The following NPC1L1 variants were observed in gnomAD, a reference collection of about 807,000 sequenced individuals.
The protein encoded by NPC1L1 is NPC1 like intracellular cholesterol transporter 1.
Under a neutral mutation model 117.0 loss-of-function variants are expected in NPC1L1, and 98 were observed. The ratio of observed to expected loss-of-function variants is 0.84; its 90% CI spans 0.71 to 0.99. The LOEUF is 0.99. Among genes scored for constraint, NPC1L1 ranks in the 50% least tolerant of loss-of-function variants. The pLI, the probability that NPC1L1 is intolerant of heterozygous loss-of-function variation, is 0.00. For missense variants in NPC1L1, 1,540 were observed against 1,710.0 expected (o/e 0.90, Z 1.75); for synonymous variants, 729 against 727.6 (o/e 1.00, Z -0.03).
In NPC1L1 at chr7:44,539,371, C is replaced by G. The variant is rs539547109; in HGVS notation, c.1026G>C (p.Gln342His). 6.2e-7 allele frequency: 1 copy of G among 1,613,710 alleles called. No homozygotes were observed. Among genetic ancestry groups the G allele is most frequent in the African/African-American group, 1.3e-5 (1 of 75,028 alleles). ...STHTLLGQFF[Q>H]GWGTWVASWP... is the part of the protein sequence containing the mutation. ...ACGAAGCCACCCACGTGCCCCAGCC[C>G]TGGAAGAACTGGCCAAGGAGGGTGT... is the stretch of plus-strand genomic sequence containing the variant. The change falls in exon 2 of 19, where the codon CAG (glutamine) becomes CAC (histidine). Residue 342 changes from glutamine (Q) to histidine (H), a missense_variant. Gln to His is a conservative substitution (Grantham distance 24). Around this residue, in one of 3 missense-constraint regions of NPC1L1, gnomAD observed 793 missense variants for 820.4 expected, o/e 0.97. Coordinates refer to ENST00000381160, the MANE Select transcript of NPC1L1 (RefSeq NM_001101648.2). The surrounding 1 kb of genome is among the most constrained non-coding windows in gnomAD (Gnocchi z 4.4).
At chr7:44,524,243 A>C (rs1253504825) in intron 10 of NPC1L1, among the ~76,000 whole-genome samples, 1 of 152,244 alleles carries the variant, frequency 6.6e-6, no homozygotes, top group Non-Finnish European at 1.5e-5. Flanking sequence ...TCCCCAGCAC[A>C]GAAACACCAA....
intron 5 of NPC1L1, among the ~76,000 whole-genome samples, chr7:44,535,617 A>C (rs1359622399): frequency 6.6e-6 from 1 of 152,226 alleles, no homozygotes; most frequent in South Asian, 2.1e-4. Flanking sequence ...AAGAGAAAAG[A>C]AAAGCAAAGA....
At chr7:44,530,066 G>A (rs1041278126) in intron 10 of NPC1L1, among the ~76,000 whole-genome samples, 12 of 144,932 alleles carry the variant, frequency 8.3e-5, no homozygotes, top group East Asian at 2.1e-4. Context: ...GGCCAGGTGC[G>A]GTGGCTCACA....
chr7:44,536,260 G>T lies in NPC1L1; in HGVS notation c.1850C>A (p.Ala617Asp), dbSNP rs765004444. 1 of 1,613,648 alleles carries T rather than the reference G, an allele frequency of 6.2e-7. No individual in the cohort carries two copies. Among genetic ancestry groups the T allele is most frequent in the East Asian group, 2.2e-5 (1 of 44,888 alleles). Residue 617 changes from alanine to aspartate, a missense_variant, in exon 4 of 19, where the codon GCT becomes GAT. Transcript: ENST00000381160. The surrounding 1 kb of genome is among the most constrained non-coding windows in gnomAD (Gnocchi z 4.7). The stretch of plus-strand genomic sequence containing the variant: ...CAGGGACCCTGCAGCCCCTACCTCA[G>T]CCATGAACGTGACCTGGAACATGCC... ...MAGMFQVTFM[A>D]ERSLEDEINR...
At chr7:44,530,639 C>T (rs1801668385) in intron 10 of NPC1L1, among the ~76,000 whole-genome samples, 1 of 152,096 alleles carries the variant, frequency 6.6e-6, no homozygotes, top group Non-Finnish European at 1.5e-5. Flanking sequence ...AAACAAAAGA[C>T]ATCAACATAA....
chr7:44,531,887 C>T lies in NPC1L1; in HGVS notation c.2548-43G>A, dbSNP rs755703605. ...GCATGAGACCACCCTGCCCAACAGC[C>T]GTCCCCCATCTCCCCACAAATTTAA... is the stretch of plus-strand genomic sequence containing the variant. On this transcript the variant is annotated intron_variant, in intron 9 of 18. Transcript: ENST00000381160. 1.0e-5 allele frequency: 16 copies of T among 1,541,964 alleles called. No individual in the cohort carries two copies. In the South Asian group the frequency reaches 1.2e-4, roughly 11 times the overall value.
chr7:44,538,714 G>A lies in NPC1L1; in HGVS notation c.1580+103C>T. The A allele has an allele frequency of 8.6e-7, 1 of 1,168,182 alleles. No homozygotes were observed. Among genetic ancestry groups the A allele is most frequent in the East Asian group, 2.3e-5 (1 of 42,928 alleles). The allele number at this position is 1,168,182 out of a possible 1,614,324, so 72.4% of individuals were successfully genotyped here. On this transcript the variant is annotated intron_variant, in intron 2 of 18. Coordinates refer to ENST00000381160, the MANE Select transcript of NPC1L1 (RefSeq NM_001101648.2). This position sits in a 1 kb window ranked among gnomAD's most constrained non-coding sequence, Gnocchi z 5.9. ...AGAGCCGTAGGAATAGCTACCTCTG[G>A]TCCTTCAGGACCAGCTGTATGCCCG...
At chr7:44,524,464 A>C (rs963638667) in intron 10 of NPC1L1, among the ~76,000 whole-genome samples, 2 of 152,202 alleles carry the variant, frequency 1.3e-5, no homozygotes, top group Non-Finnish European at 2.9e-5. Context: ...ACTTCAAAAC[A>C]ATTGTCTCAG....
chr7:44,530,040 A>T (rs1414929026), intron 10 of NPC1L1, among the ~76,000 whole-genome samples: 1 of 150,434 alleles, frequency 6.6e-6, no homozygotes, highest in African/African-American at 2.5e-5. Context: ...TCTCAAAAAA[A>T]AAAAGAAAAA....
rs766739039 is a variant in NPC1L1 at position 44,515,912 on chromosome 7, G to A, written c.3687C>T (p.Leu1229=). ...TNLPGILVLG[L]AKAQLIQIFF... ...AGATCTGAATGAGCTGGGCCTTGGC[G>A]AGGCCCAGGACAAGGATGCCAGGCA... The change falls in exon 18 of 19, where the codon CTC becomes CTT. Residue 1229 remains leucine (L), a synonymous_variant. Coordinates refer to ENST00000381160, the MANE Select transcript of NPC1L1 (RefSeq NM_001101648.2). 21 of 1,614,000 alleles carry A rather than the reference G, an allele frequency of 1.3e-5. No homozygotes were observed. Among genetic ancestry groups the A allele is most frequent in the South Asian group, 6.6e-5 (6 of 91,088 alleles).
chr7:44,514,705 A>T (rs1285600967), intron 18 of NPC1L1, among the ~76,000 whole-genome samples: 1 of 150,068 alleles, frequency 6.7e-6, no homozygotes, highest in East Asian at 2.0e-4. Context: ...ATAATTAAAA[A>T]CAAATTAATG....
chr7:44,521,203 CA>C (rs1436339608), intron 12 of NPC1L1, 85 bp from the exon 13 acceptor site: 17 of 1,590,372 alleles, frequency 1.1e-5, no homozygotes, highest in Non-Finnish European at 1.5e-5. Context: ...ACAATCCCAT[CA>C]AAGGTCCTGG....
chr7:44,533,666 T>A, intron 7 of NPC1L1, 73 bp downstream of exon 7: 1 of 1,606,500 alleles, frequency 6.2e-7, no homozygotes, highest in East Asian at 2.2e-5. Context: ...CCCACTGCCC[T>A]CTGGGAACTC....
Position 44,533,866 on chromosome 7 carries a change from A to T in NPC1L1, c.2167-13T>A. Reference sequence around the variant, plus strand: ...TCCGGGGCAGCCTCTGTGTGGGAACAGCAGGGATAAGAGCCAGGGCCCTCC... The same window carrying T: ...TCCGGGGCAGCCTCTGTGTGGGAACTGCAGGGATAAGAGCCAGGGCCCTCC... On this transcript the variant is annotated splice_polypyrimidine_tract_variant and intron_variant, in intron 6 of 18. Coordinates refer to ENST00000381160, the MANE Select transcript of NPC1L1 (RefSeq NM_001101648.2). 1 of 1,601,202 alleles carries T rather than the reference A, an allele frequency of 6.2e-7. No homozygotes were observed. The highest frequency in any genetic ancestry group is 8.5e-7 in the Non-Finnish European group (1 of 1,173,346).
rs1184431519 is a variant in NPC1L1, at chr7:44,521,033, G to T, written c.3039C>A (p.Pro1013=). ...TGTTGGGCCGGTCGTTCAGGAACCA[G>T]GGAAGATACTTATGGAACTGCTCCA... The part of the protein sequence containing the change: ...PSVEQFHKYL[P]WFLNDRPNIK... Residue 1013 remains proline, a synonymous_variant, in exon 13 of 19, where the codon CCC becomes CCA. Coordinates refer to ENST00000381160, the MANE Select transcript of NPC1L1 (RefSeq NM_001101648.2). The T allele has an allele frequency of 1.2e-6, 2 of 1,614,204 alleles. No individual in the cohort carries two copies. The highest frequency in any genetic ancestry group is 1.7e-6 in the Non-Finnish European group (2 of 1,180,048).
At chr7:44,516,365 A>G (rs1801185964) in intron 16 of NPC1L1, among the ~76,000 whole-genome samples, 168 bp from the exon 17 acceptor site, 1 of 152,116 alleles carries the variant, frequency 6.6e-6, no homozygotes, top group Non-Finnish European at 1.5e-5. Context: ...ACACTTTGGG[A>G]GGCCGAGGTG....
Position 44,536,371 on chromosome 7 carries a change from G to A in NPC1L1, c.1739C>T (p.Pro580Leu), listed in dbSNP as rs1159038993. 3 of 1,614,188 alleles carry A rather than the reference G, an allele frequency of 1.9e-6. No individual in the cohort carries two copies. The highest frequency in any genetic ancestry group is 8.5e-7 in the Non-Finnish European group (1 of 1,180,028). The change falls in exon 4 of 19, where the codon CCT becomes CTT. Residue 580 changes from proline to leucine, a missense_variant. Around this residue, in one of 3 missense-constraint regions of NPC1L1, gnomAD observed 793 missense variants for 820.4 expected, o/e 0.97. Transcript: ENST00000381160. This position sits in a 1 kb window ranked among gnomAD's most constrained non-coding sequence, Gnocchi z 4.7. Reference sequence around the variant, plus strand: ...CTGGGCCAGACGGGGGTCCCCGGCAGGGTAATTGTTGAGGGAGAACGTCAT... The same window carrying A: ...CTGGGCCAGACGGGGGTCCCCGGCAAGGTAATTGTTGAGGGAGAACGTCAT... ...LIMTFSLNNYPAGDPRLAQAK... is the reference protein window; with the variant it reads ...LIMTFSLNNYLAGDPRLAQAK...
In NPC1L1 at chr7:44,540,102, G is replaced by A; in HGVS notation, c.295C>T (p.Leu99=). The change falls in exon 2 of 19, where the codon CTG becomes TTG. Residue 99 remains leucine, a synonymous_variant. Transcript: ENST00000381160. ...TTGGTGATCGACAGACTCGCTTCCAGTGATACCAGCTGCTTGGCGGAGCAG... is the reference window on the plus strand; with the variant it reads ...TTGGTGATCGACAGACTCGCTTCCAATGATACCAGCTGCTTGGCGGAGCAG... The part of the protein sequence containing the change: ...ACCSAKQLVS[L]EASLSITKAL... 2 of 1,614,200 alleles carry A rather than the reference G, an allele frequency of 1.2e-6. No individual in the cohort carries two copies. The highest frequency in any genetic ancestry group is 1.7e-6 in the Non-Finnish European group (2 of 1,180,032).
rs371080826 is a variant in NPC1L1 at position 44,513,750 on chromosome 7, CA to C, written c.3797-102del. The C allele has an allele frequency of 5.6e-4, 731 of 1,298,270 alleles. 5 individuals carry two copies. The highest frequency in any genetic ancestry group is 4.1e-3 in the South Asian group (337 of 81,704). 80.4% of individuals were successfully genotyped at this position (1,298,270 alleles called of 1,614,324 possible). A position where few individuals can be genotyped will look rare whatever the true frequency, so the allele number is the denominator to read the frequency against. On this transcript the variant is annotated intron_variant, in intron 18 of 18. Coordinates refer to ENST00000381160, the MANE Select transcript of NPC1L1 (RefSeq NM_001101648.2). ...AACAAACCCAGGGCAGGAAGGGTCC[CA>C]GGGGGGATCTGTGCCATGTGCCTTC...
Sources: allele counts gnomAD v4.1 joint callset (sites outside exome capture counted in the v4.1 genomes callset), GRCh38; gene constraint gnomAD v4.1.1; regional missense constraint gnomAD v4.1.1; non-coding constraint Gnocchi (gnomAD v3.1); transcripts MANE v1.5; gene names NCBI Gene and HGNC (gene_info 2026-07-23, HGNC 2026-07-21).